Variants in PRELID2 observed in about 807,000 individuals in gnomAD.
The protein encoded by PRELID2 is PRELI domain containing 2, also known as PRELI domain-containing protein 2.
PRELID2 carries 25 observed loss-of-function variants against 28.4 expected under a neutral mutation model. The ratio of observed to expected loss-of-function variants is 0.88; its 90% CI spans 0.64 to 1.23. The LOEUF is 1.23. Ranked by LOEUF, PRELID2 falls within the 50% of genes most tolerant of loss-of-function variation. The probability of loss-of-function intolerance (pLI) is 0.00; values close to 1 mark genes in which losing one functional copy is unlikely to be tolerated. For synonymous variants in PRELID2, 76 were observed against 71.6 expected (o/e 1.06, Z -0.31); for missense variants, 201 against 214.4 (o/e 0.94, Z 0.39).
intron 4 of PRELID2, among the ~76,000 whole-genome samples, chr5:145,803,975 G>T (rs1753325820): frequency 6.6e-6 from 1 of 152,030 alleles, no homozygotes; most frequent in Non-Finnish European, 1.5e-5. Flanking sequence ...CACACACTCT[G>T]CACTGTGAAA....
At chr5:145,824,623 C>A (rs376441856) in intron 1 of PRELID2, among the ~76,000 whole-genome samples, 2 of 152,054 alleles carry the variant, frequency 1.3e-5, no homozygotes, top group Admixed American at 6.6e-5. Context: ...CAACAGCCAG[C>A]GTAATGCCTG....
the PRELID2 span, among the ~76,000 whole-genome samples, chr5:145,336,455 G>A: frequency 2.6e-5 from 4 of 151,610 alleles, no homozygotes; most frequent in South Asian, 2.1e-4. Context: ...TTTGTATAAG[G>A]TGTAAGGAAG....
intron 2 of PRELID2, among the ~76,000 whole-genome samples, chr5:145,821,338 T>C (rs929958270): frequency 6.6e-5 from 10 of 151,044 alleles, no homozygotes; most frequent in Non-Finnish European, 1.0e-4. Flanking sequence ...TCTGTGTATG[T>C]GTGTGTAAGC....
At chr5:145,653,158 A>G (rs1754329677) in intron 1 of PRELID2, among the ~76,000 whole-genome samples, 5 of 152,264 alleles carry the variant, frequency 3.3e-5, no homozygotes, top group African/African-American at 1.2e-4. Flanking sequence ...AAAGAAGGCC[A>G]TTACATAATG....
chr5:145,700,220 G>A (rs1755375345), intron 1 of PRELID2, among the ~76,000 whole-genome samples: 1 of 151,400 alleles, frequency 6.6e-6, no homozygotes, highest in Non-Finnish European at 1.5e-5. Context: ...ATCGCCCCTA[G>A]ACATCAACCT....
the PRELID2 span, among the ~76,000 whole-genome samples, chr5:145,344,897 T>C: frequency 6.6e-6 from 1 of 152,128 alleles, no homozygotes; most frequent in Non-Finnish European, 1.5e-5. Flanking sequence ...ATCATTACTT[T>C]TACTGATTTT....
chr5:145,367,778 G>A, the PRELID2 span, among the ~76,000 whole-genome samples: 1 of 151,720 alleles, frequency 6.6e-6, no homozygotes, highest in Non-Finnish European at 1.5e-5. Context: ...TCTTTTCATG[G>A]CTTGATAGCG....
intron 1 of PRELID2, among the ~76,000 whole-genome samples, chr5:145,504,355 T>C (rs1477281353): frequency 2.0e-5 from 3 of 152,170 alleles, no homozygotes. Context: ...AACTGGCCCA[T>C]AGTAAATGCT....
At chr5:145,638,469 T>G (rs1754041593) in intron 1 of PRELID2, among the ~76,000 whole-genome samples, 1 of 152,240 alleles carries the variant, frequency 6.6e-6, no homozygotes, top group Non-Finnish European at 1.5e-5. Flanking sequence ...CTAAAATTAT[T>G]TTTTATTAAT....
At chr5:145,527,744 C>T (rs1213255028) in intron 1 of PRELID2, among the ~76,000 whole-genome samples, 1 of 152,162 alleles carries the variant, frequency 6.6e-6, no homozygotes, top group Non-Finnish European at 1.5e-5. Context: ...TTTAACTTCG[C>T]TATGCCTCTG....
intron 1 of PRELID2, among the ~76,000 whole-genome samples, chr5:145,582,400 C>G (rs534351492): frequency 4.6e-5 from 7 of 151,928 alleles, no homozygotes; most frequent in African/African-American, 1.7e-4. Flanking sequence ...TTCAAACAAC[C>G]AGATCTCATG....
chr5:145,472,061 G>T (rs1752060184), exon 3 of PRELID2: 1 of 152,272 alleles, frequency 6.6e-6, no homozygotes, highest in Admixed American at 6.6e-5. Flanking sequence ...TCCAGTGTTT[G>T]CCCTGTGACT....
chr5:145,328,297 C>G, the PRELID2 span, among the ~76,000 whole-genome samples: 1 of 152,098 alleles, frequency 6.6e-6, no homozygotes, highest in African/African-American at 2.4e-5. Context: ...TTGGTATATA[C>G]CCAATAATGG....
chr5:145,440,078 G>C, the PRELID2 span, among the ~76,000 whole-genome samples: 2 of 152,084 alleles, frequency 1.3e-5, no homozygotes, highest in African/African-American at 4.8e-5. Context: ...CTCTGAGGCT[G>C]AGCTCTAAGC....
the PRELID2 span, among the ~76,000 whole-genome samples, chr5:145,401,228 T>C: frequency 1.3e-5 from 2 of 152,056 alleles, no homozygotes; most frequent in Non-Finnish European, 2.9e-5. Flanking sequence ...GATTTCTTTT[T>C]TTTTTTTCTT....
At chr5:145,668,906 G>A (rs935449980) in intron 1 of PRELID2, among the ~76,000 whole-genome samples, 5 of 152,100 alleles carry the variant, frequency 3.3e-5, no homozygotes, top group African/African-American at 1.2e-4. Flanking sequence ...TAATCGTCCT[G>A]TTAAGGTCAG....
At chr5:145,431,992 A>G in the PRELID2 span, among the ~76,000 whole-genome samples, 1 of 152,216 alleles carries the variant, frequency 6.6e-6, no homozygotes, top group African/African-American at 2.4e-5. Context: ...TGTGTAAAAT[A>G]GAGAGCAATC....
intron 4 of PRELID2, among the ~76,000 whole-genome samples, chr5:145,813,562 T>C (rs1028010451): frequency 6.6e-6 from 1 of 151,770 alleles, no homozygotes; most frequent in Admixed American, 6.6e-5. Context: ...CTCACCACTG[T>C]GCTCAAGGTG....
intron 2 of PRELID2, 81 bp from the exon 3 acceptor site, chr5:145,820,099 G>A (rs1754663421): frequency 7.2e-6 from 6 of 828,002 alleles, no homozygotes; most frequent in Non-Finnish European, 1.1e-5. Flanking sequence ...TGCGGGGGTG[G>A]GGTTTTTTTG....
Sources: allele counts gnomAD v4.1 joint callset (sites outside exome capture counted in the v4.1 genomes callset), GRCh38; gene constraint gnomAD v4.1.1; transcripts MANE v1.5; gene names NCBI Gene and HGNC (gene_info 2026-07-23, HGNC 2026-07-21).